The following CD200R1 variants were observed in gnomAD, a reference collection of about 807,000 sequenced individuals.
The protein encoded by CD200R1 is CD200 receptor 1, also known as cell surface glycoprotein CD200 receptor 1.
A neutral mutation model predicts 38.1 loss-of-function variants in CD200R1; 30 were observed. The observed-to-expected ratio is 0.79, with a 90% CI of 0.59 to 1.07. The LOEUF is 1.07. CD200R1 is among the 50% of genes least tolerant of loss of function. The probability of loss-of-function intolerance (pLI) is 0.00; values close to 1 mark genes in which losing one functional copy is unlikely to be tolerated. For missense variants in CD200R1, 372 were observed against 415.4 expected, an observed-to-expected ratio of 0.90 and a Z score of 0.91; for synonymous variants, 128 against 152.1, an observed-to-expected ratio of 0.84 and a Z score of 1.16.
At chr3:112,971,321 A>G (rs747619221) in intron 1 of CD200R1, among the ~76,000 whole-genome samples, 2 of 152,208 alleles carry the variant, frequency 1.3e-5, no homozygotes, top group African/African-American at 2.4e-5. Context: ...AGTACTAATG[A>G]AATCATCTAT....
At chr3:112,926,062 G>A (rs977175109) in intron 5 of CD200R1, among the ~76,000 whole-genome samples, 6 of 152,230 alleles carry the variant, frequency 3.9e-5, no homozygotes, top group African/African-American at 7.2e-5. Flanking sequence ...GCAATTGTAA[G>A]GAAGATACTT....
At chr3:112,958,096 C>T (rs1209333159) in intron 1 of CD200R1, among the ~76,000 whole-genome samples, 1 of 151,794 alleles carries the variant, frequency 6.6e-6, no homozygotes, top group Non-Finnish European at 1.5e-5. Flanking sequence ...TTTCAAAATT[C>T]AAACATGTGC....
At chr3:112,942,040 T>C (rs1940739667) in intron 2 of CD200R1, among the ~76,000 whole-genome samples, 1 of 151,552 alleles carries the variant, frequency 6.6e-6, no homozygotes. Flanking sequence ...CAAACAAAAA[T>C]TGTGGGAATT....
intron 1 of CD200R1, among the ~76,000 whole-genome samples, chr3:112,957,639 T>A (rs891703178): frequency 6.6e-6 from 1 of 152,120 alleles, no homozygotes; most frequent in Non-Finnish European, 1.5e-5. Flanking sequence ...TCTGATAAAT[T>A]GGACATTAAC....
intron 1 of CD200R1, among the ~76,000 whole-genome samples, chr3:112,959,447 T>A (rs931999239): frequency 3.3e-5 from 5 of 152,140 alleles, no homozygotes; most frequent in African/African-American, 1.2e-4. Context: ...ATGGTTTATT[T>A]TGACATTTCT....
chr3:112,946,340 C>T (rs1348058727), intron 2 of CD200R1, among the ~76,000 whole-genome samples: 1 of 152,088 alleles, frequency 6.6e-6, no homozygotes, highest in Non-Finnish European at 1.5e-5. Context: ...CAAATATTTC[C>T]AATCCATGGT....
chr3:112,964,286 C>T (rs1933099085), intron 1 of CD200R1, among the ~76,000 whole-genome samples: 1 of 152,130 alleles, frequency 6.6e-6, no homozygotes, highest in Non-Finnish European at 1.5e-5. Flanking sequence ...TACTCCAGAC[C>T]CCAGAATGGT....
intron 1 of CD200R1, among the ~76,000 whole-genome samples, chr3:112,956,223 GACT>G (rs1340643256): frequency 6.6e-6 from 1 of 150,934 alleles, no homozygotes; most frequent in Non-Finnish European, 1.5e-5. Context: ...TTTCTCCTAT[GACT>G]ACATATTTTC....
Position 112,927,840 on chromosome 3 carries a change from G to A in CD200R1, c.769+976C>T, listed in dbSNP as rs142181878. Among the ~76,000 whole-genome samples the A allele has an allele frequency of 8.0e-3, 1,222 of 152,202 alleles. 8 individuals carry two copies. Among genetic ancestry groups the A allele is most frequent in the Non-Finnish European group, 0.012 (842 of 68,014 alleles). ...GTCAATAGGCTTAGTGATAGTTCAC[G>A]ATAGGTACATACATTCTTAAGGAAA... On this transcript the variant is annotated intron_variant, in intron 5 of 7. Coordinates refer to ENST00000308611, the MANE Select transcript of CD200R1 (RefSeq NM_138806.4).
chr3:112,939,788 G>GA (rs1359976132), intron 2 of CD200R1, among the ~76,000 whole-genome samples: 116 of 86,580 alleles, frequency 1.3e-3, no homozygotes, highest in African/African-American at 5.1e-3. Flanking sequence ...AACAAAAATA[G>GA]AAAAAAAATC....
chr3:112,962,436 A>G (rs997948756), intron 1 of CD200R1, among the ~76,000 whole-genome samples: 1 of 152,356 alleles, frequency 6.6e-6, no homozygotes, highest in African/African-American at 2.4e-5. Flanking sequence ...GTAATTTAAA[A>G]AAACTGAAAA....
intron 2 of CD200R1, among the ~76,000 whole-genome samples, chr3:112,931,416 G>T (rs1576128714): frequency 1.3e-5 from 2 of 152,204 alleles, no homozygotes; most frequent in East Asian, 3.9e-4. Flanking sequence ...ACCTTGTTTT[G>T]AAATATTTTG....
At chr3:112,962,482 T>C (rs900755175) in intron 1 of CD200R1, among the ~76,000 whole-genome samples, 14 of 152,198 alleles carry the variant, frequency 9.2e-5, no homozygotes, top group Admixed American at 8.5e-4. Context: ...GCTAATTAAA[T>C]GTTATCAAAT....
chr3:112,946,750 C>T (rs1470843307), intron 2 of CD200R1, among the ~76,000 whole-genome samples: 1 of 152,202 alleles, frequency 6.6e-6, no homozygotes, highest in Admixed American at 6.5e-5. Context: ...ACTAAGCAAT[C>T]TCCTACCATG....
At chr3:112,930,153 T>G (rs940625586) in intron 3 of CD200R1, among the ~76,000 whole-genome samples, 3 of 151,744 alleles carry the variant, frequency 2.0e-5, no homozygotes, top group Non-Finnish European at 2.9e-5. Flanking sequence ...AGTTGAGCCA[T>G]CCCATAAAAA....
chr3:112,968,240 T>C (rs1406415278), intron 1 of CD200R1, among the ~76,000 whole-genome samples: 1 of 152,204 alleles, frequency 6.6e-6, no homozygotes, highest in Admixed American at 6.5e-5. Context: ...AAACATTCAA[T>C]GCATGGGTAA....
intron 2 of CD200R1, among the ~76,000 whole-genome samples, chr3:112,940,194 T>C (rs970937214): frequency 1.3e-5 from 2 of 151,824 alleles, no homozygotes; most frequent in Admixed American, 6.6e-5. Flanking sequence ...GACCTAAATA[T>C]AAGACCAGAA....
chr3:112,942,435 G>A (rs938495462), intron 2 of CD200R1, among the ~76,000 whole-genome samples: 4 of 151,596 alleles, frequency 2.6e-5, no homozygotes, highest in African/African-American at 9.7e-5. Context: ...AAGCTCAAGT[G>A]ATGACTAAAA....
At chr3:112,938,897 GAAC>G (rs982031196) in intron 2 of CD200R1, among the ~76,000 whole-genome samples, 1 of 151,874 alleles carries the variant, frequency 6.6e-6, no homozygotes, top group Non-Finnish European at 1.5e-5. Flanking sequence ...GAATTCAACA[GAAC>G]ATCAAAAACA....
Sources: allele counts gnomAD v4.1 joint callset (sites outside exome capture counted in the v4.1 genomes callset), GRCh38; gene constraint gnomAD v4.1.1; transcripts MANE v1.5; gene names NCBI Gene and HGNC (gene_info 2026-07-23, HGNC 2026-07-21).